CDR2L: variants seen among roughly 807,000 people sequenced by gnomAD.
CDR2L encodes the protein cerebellar degeneration-related protein 2-like.
A neutral mutation model predicts 36.1 loss-of-function variants in CDR2L; 19 were observed. The ratio of observed to expected loss-of-function variants is 0.53; its 90% CI spans 0.37 to 0.77. CDR2L has a LOEUF of 0.77. Among genes scored for constraint, CDR2L ranks in the 30% least tolerant of loss-of-function variants. The pLI, the probability that CDR2L is intolerant of heterozygous loss-of-function variation, is 0.00. For missense variants in CDR2L, 575 were observed against 627.2 expected (o/e 0.92, Z 0.89); for synonymous variants, 285 against 280.4 (o/e 1.02, Z -0.16).
In CDR2L at chr17:75,002,237, G is replaced by A. The variant is rs373998665; in HGVS notation, c.506+9G>A. On this transcript the variant is annotated intron_variant, in intron 4 of 4. Coordinates refer to ENST00000337231, the MANE Select transcript of CDR2L (RefSeq NM_014603.3). The surrounding 1 kb of genome is among the most constrained non-coding windows in gnomAD (Gnocchi z 4.1). ...CTGTGCACCAGCCCCCGGTAGGTGA[G>A]AGCACTGCTTGGTGTCTCTGGGATT... 6.2e-7 allele frequency: 1 copy of A among 1,602,806 alleles called. No individual in the cohort carries two copies. The highest frequency in any genetic ancestry group is 1.3e-5 in the African/African-American group (1 of 74,598).
rs2039772682 is a variant in CDR2L at position 74,987,870 on chromosome 17, C to T, written c.-174C>T. The stretch of plus-strand genomic sequence containing the variant: ...GGCCGGGCCGGACCCTGGCAAAGCG[C>T]CAGGCCCCGCGTGGGCTCCCGGCGA... On this transcript the variant is annotated 5_prime_UTR_variant, in exon 1 of 5. Coordinates refer to ENST00000337231, the MANE Select transcript of CDR2L (RefSeq NM_014603.3). The T allele has an allele frequency of 3.4e-6, 1 of 298,478 alleles. No individual in the cohort carries two copies. The highest frequency in any genetic ancestry group is 6.2e-6 in the Non-Finnish European group (1 of 160,310). 18.5% of individuals were successfully genotyped at this position (298,478 alleles called of 1,614,324 possible). A position where few individuals can be genotyped will look rare whatever the true frequency, so the allele number is the denominator to read the frequency against.
chr17:75,003,340 G>C lies in CDR2L; in HGVS notation c.664G>C (p.Ala222Pro). ...RKERAEREYTAVLQEYSELER... is the reference protein window; with the variant it reads ...RKERAEREYTPVLQEYSELER... ...GGAGCGGGCGGAGCGCGAGTACACC[G>C]CGGTGCTGCAGGAGTACTCGGAGCT... Residue 222 changes from alanine (A) to proline (P), a missense_variant, in exon 5 of 5, where the codon GCG becomes CCG. By Grantham distance (27) the Ala-to-Pro change is conservative. Coordinates refer to ENST00000337231, the MANE Select transcript of CDR2L (RefSeq NM_014603.3). 6.4e-7 allele frequency: 1 copy of C among 1,556,384 alleles called. No homozygotes were observed. The highest frequency in any genetic ancestry group is 2.4e-5 in the East Asian group (1 of 41,320).
chr17:75,003,177 CG>C lies in CDR2L; in HGVS notation c.507-5del. ...CCACCCCGCTGCGACTCTCACTACC[CG>C]CCAGGTGCAAGGATGCTTTCCGCCT... On this transcript the variant is annotated splice_polypyrimidine_tract_variant and splice_region_variant and intron_variant, in intron 4 of 4. Transcript: ENST00000337231. 1.3e-6 allele frequency: 2 copies of C among 1,557,782 alleles called. No homozygotes were observed. Among genetic ancestry groups the C allele is most frequent in the Non-Finnish European group, 1.7e-6 (2 of 1,151,782 alleles).
Position 75,002,090 on chromosome 17 carries a change from A to G in CDR2L, c.368A>G (p.Gln123Arg). The G allele has an allele frequency of 6.3e-7, 1 of 1,598,964 alleles. No homozygotes were observed. The highest frequency in any genetic ancestry group is 2.3e-5 in the East Asian group (1 of 44,042). Residue 123 changes from glutamine to arginine, a missense_variant, in exon 4 of 5, where the codon CAG (glutamine) becomes CGG (arginine). By Grantham distance (43) the Gln-to-Arg change is conservative. Transcript: ENST00000337231. This position sits in a 1 kb window ranked among gnomAD's most constrained non-coding sequence, Gnocchi z 4.1. The stretch of plus-strand genomic sequence containing the variant: ...CTGACGGAGACCATTGAGCGCCTCC[A>G]GGCTCAGGTGGAGGAGCTGCAGGCC... The part of the protein sequence containing the change: ...HGLTETIERL[Q>R]AQVEELQAQV...
intron 1 of CDR2L, among the ~76,000 whole-genome samples, chr17:74,998,755 G>A (rs771695824): frequency 6.6e-6 from 1 of 152,184 alleles, no homozygotes; most frequent in Non-Finnish European, 1.5e-5. Context: ...GGAAGTATCA[G>A]GAAAGAATAT....
At chr17:75,000,582 G>C (rs1320720440) in intron 2 of CDR2L, among the ~76,000 whole-genome samples, 5 of 140,840 alleles carry the variant, frequency 3.6e-5, no homozygotes, top group Non-Finnish European at 7.6e-5. Flanking sequence ...ACAGGTGTGA[G>C]CCATCACGCC....
Position 74,989,926 on chromosome 17 carries a change from A to G in CDR2L, c.79+1804A>G, listed in dbSNP as rs963162842. On this transcript the variant is annotated intron_variant, in intron 1 of 4. Coordinates refer to ENST00000337231, the MANE Select transcript of CDR2L (RefSeq NM_014603.3). The surrounding 1 kb of genome is among the most constrained non-coding windows in gnomAD (Gnocchi z 4.2). Reference sequence around the variant, plus strand: ...AGTGCTGGGATTACAGGCGTGAGCCACCACGCCCGGCTGGTGGCACAGTAT... The same window carrying G: ...AGTGCTGGGATTACAGGCGTGAGCCGCCACGCCCGGCTGGTGGCACAGTAT... Among the ~76,000 whole-genome samples the G allele has an allele frequency of 1.3e-5, 2 of 152,164 alleles. No individual in the cohort carries two copies. The highest frequency in any genetic ancestry group is 2.9e-5 in the Non-Finnish European group (2 of 68,024).
rs1355550707 is a variant in CDR2L at position 75,002,998 on chromosome 17, G to A, written c.507-185G>A. Among the ~76,000 whole-genome samples, 5 of 152,266 alleles carry A rather than the reference G, an allele frequency of 3.3e-5. No homozygotes were observed. In the East Asian group the frequency reaches 9.6e-4, roughly 29 times the overall value. ...AGGCGGTCCGTAGTGGTCAGCCTCC[G>A]GGGGCAGAGAGCAGGGGGAGAAGGG... On this transcript the variant is annotated intron_variant, in intron 4 of 4. Transcript: ENST00000337231. This position sits in a 1 kb window ranked among gnomAD's most constrained non-coding sequence, Gnocchi z 4.1.
chr17:74,999,325 C>CACACACAAAA (rs368672422), intron 1 of CDR2L, among the ~76,000 whole-genome samples, 179 bp from the exon 2 acceptor site: 1,978 of 151,020 alleles, frequency 0.013, 26 homozygotes, highest in East Asian at 0.03. Flanking sequence ...CAGACACACA[C>CACACACAAAA]AAAAAGAACA....
At position 75,003,742 on chromosome 17, in the gene CDR2L, G is replaced by A; in HGVS notation, c.1066G>A (p.Val356Met). 1 of 1,478,190 alleles carries A rather than the reference G, an allele frequency of 6.8e-7. No individual in the cohort carries two copies. The highest frequency in any genetic ancestry group is 9.0e-7 in the Non-Finnish European group (1 of 1,111,800). 91.6% of individuals were successfully genotyped at this position (1,478,190 alleles called of 1,614,324 possible). The stretch of plus-strand genomic sequence containing the variant: ...GCGGGGCATGTCCATCCTGCGGGAG[G>A]TGGACGAGCAGTACCACGCGCTGCT... The part of the protein sequence containing the change: ...RKRGMSILRE[V>M]DEQYHALLEK... The change falls in exon 5 of 5, where the codon GTG (valine) becomes ATG (methionine). Residue 356 changes from valine to methionine, a missense_variant. By Grantham distance (21) the Val-to-Met change is conservative. Coordinates refer to ENST00000337231, the MANE Select transcript of CDR2L (RefSeq NM_014603.3).
intron 1 of CDR2L, among the ~76,000 whole-genome samples, chr17:74,993,810 A>G (rs1000064187): frequency 6.6e-6 from 1 of 152,168 alleles, no homozygotes; most frequent in African/African-American, 2.4e-5. Context: ...CCTTCTCCAG[A>G]TGACACAGGG....
Position 74,987,841 on chromosome 17 carries a change from C to A in CDR2L, c.-203C>A, listed in dbSNP as rs1281772101. On this transcript the variant is annotated 5_prime_UTR_variant, in exon 1 of 5. Transcript: ENST00000337231. ...GCCCGGTGCCCCCGGCTCTGCGGGA[C>A]CCCGGCCGGGCCGGACCCTGGCAAA... 7.7e-6 allele frequency: 2 copies of A among 260,192 alleles called. No individual in the cohort carries two copies. Among genetic ancestry groups the A allele is most frequent in the Admixed American group, 1.1e-4 (2 of 18,336 alleles). The allele number at this position is 260,192 out of a possible 1,614,324, so 16.1% of individuals were successfully genotyped here.
intron 1 of CDR2L, among the ~76,000 whole-genome samples, 178 bp from the exon 2 acceptor site, chr17:74,999,326 A>ACACACAC (rs60772273): frequency 7.5e-6 from 1 of 133,506 alleles, no homozygotes; most frequent in African/African-American, 2.5e-5. Flanking sequence ...AGACACACAC[A>ACACACAC]AAAAGAACAT....
Position 74,999,525 on chromosome 17 carries a change from TG to T in CDR2L, c.105del (p.Lys36ArgfsTer31). ...LEQDLHLAAELGKTLLERNKE... is the reference protein window; with the variant it reads ...LEQDLHLAAEXGKTLLERNKE... ...CTAGACTTGCACCTAGCTGCGGAGC[TG>T]GGGAAGACTCTGCTGGAGAGGAACA... On this transcript the variant is annotated frameshift_variant, in exon 2 of 5. Transcript: ENST00000337231. LOFTEE classifies it high-confidence loss of function. The T allele has an allele frequency of 6.3e-7, 1 of 1,581,150 alleles. No homozygotes were observed.
Position 75,003,497 on chromosome 17 carries a change from C to A in CDR2L, c.821C>A (p.Ala274Asp), listed in dbSNP as rs746087558. 3 of 1,550,484 alleles carry A rather than the reference C, an allele frequency of 1.9e-6. No homozygotes were observed. Among genetic ancestry groups the A allele is most frequent in the East Asian group, 4.9e-5 (2 of 41,220 alleles). ...GGTCCGGACGACCACCTGGCCGAGG[C>A]CCTGCTCGCACCCCTCACGCAGGCC... ...LLGPDDHLAEALLAPLTQAPE... is the reference protein window; with the variant it reads ...LLGPDDHLAEDLLAPLTQAPE... The change falls in exon 5 of 5, where the codon GCC becomes GAC. Residue 274 changes from alanine to aspartate, a missense_variant. Coordinates refer to ENST00000337231, the MANE Select transcript of CDR2L (RefSeq NM_014603.3).
Position 75,004,650 on chromosome 17 carries a change from C to T in CDR2L, c.*576C>T, listed in dbSNP as rs773224835. The stretch of plus-strand genomic sequence containing the variant: ...GGTCCTGACCAGGTCAGAGATGTCC[C>T]CTGCCATGCAGAGCAGGAAGCCTCA... On this transcript the variant is annotated 3_prime_UTR_variant, in exon 5 of 5. Transcript: ENST00000337231. 1.3e-5 allele frequency: 2 copies of T among 153,082 alleles called. No homozygotes were observed. Among genetic ancestry groups the T allele is most frequent in the Non-Finnish European group, 2.9e-5 (2 of 68,488 alleles). The allele number at this position is 153,082 out of a possible 1,614,324, so 9.5% of individuals were successfully genotyped here.
chr17:75,004,413 TCTGGA>T lies in CDR2L; in HGVS notation c.*340_*344del, dbSNP rs1483787508. The T allele has an allele frequency of 4.1e-6, 1 of 244,640 alleles. No homozygotes were observed. Among genetic ancestry groups the T allele is most frequent in the Non-Finnish European group, 7.7e-6 (1 of 129,722 alleles). 15.2% of individuals were successfully genotyped at this position (244,640 alleles called of 1,614,324 possible). ...TGGTGACCAGGCTTCTGAAAGCCAT[TCTGGA>T]TCAGTTGGCTTTTTTTTTTTTTTTG... is the stretch of plus-strand genomic sequence containing the variant. On this transcript the variant is annotated 3_prime_UTR_variant, in exon 5 of 5. Transcript: ENST00000337231.
chr17:75,003,111 G>A, intron 4 of CDR2L, 72 bp from the exon 5 acceptor site: 3 of 1,486,140 alleles, frequency 2.0e-6, no homozygotes, highest in Non-Finnish European at 2.7e-6. Context: ...TGGGCTGCTC[G>A]GCCTTGGCCG....
Position 75,003,736 on chromosome 17 carries a change from C to T in CDR2L, c.1060C>T (p.Arg354Trp), listed in dbSNP as rs1373786120. The T allele has an allele frequency of 2.0e-6, 3 of 1,475,006 alleles. No homozygotes were observed. The highest frequency in any genetic ancestry group is 1.4e-5 in the South Asian group (1 of 71,074). 91.4% of individuals were successfully genotyped at this position (1,475,006 alleles called of 1,614,324 possible). Residue 354 changes from arginine to tryptophan, a missense_variant, in exon 5 of 5, where the codon CGG (arginine) becomes TGG (tryptophan). Physicochemically the swap from Arg to Trp is moderately radical, Grantham distance 101 (BLOSUM62 -3). Coordinates refer to ENST00000337231, the MANE Select transcript of CDR2L (RefSeq NM_014603.3). ...SVRKRGMSIL[R>W]EVDEQYHALL... ...GCGCAAGCGGGGCATGTCCATCCTG[C>T]GGGAGGTGGACGAGCAGTACCACGC...
Sources: allele counts gnomAD v4.1 joint callset (sites outside exome capture counted in the v4.1 genomes callset), GRCh38; gene constraint gnomAD v4.1.1; non-coding constraint Gnocchi (gnomAD v3.1); transcripts MANE v1.5; gene names NCBI Gene and HGNC (gene_info 2026-07-23, HGNC 2026-07-21).